Variants in SEMA5A observed in about 807,000 individuals in gnomAD.
SEMA5A encodes the protein semaphorin-5A.
SEMA5A carries 55 observed loss-of-function variants against 135.5 expected under a neutral mutation model. The observed-to-expected ratio is 0.41, with a 90% CI of 0.33 to 0.51. The LOEUF (loss-of-function observed/expected upper bound fraction) is 0.51, where lower values mean the gene tolerates loss of function less well. SEMA5A is among the 20% of genes least tolerant of loss of function. The pLI, the probability that SEMA5A is intolerant of heterozygous loss-of-function variation, is 0.37. For missense variants in SEMA5A, 1,290 were observed against 1,419.9 expected (o/e 0.91, Z 1.47); for synonymous variants, 580 against 546.5 (o/e 1.06, Z -0.85).
intron 16 of SEMA5A, among the ~76,000 whole-genome samples, chr5:9,103,631 T>G (rs749927723): frequency 3.1e-4 from 47 of 152,204 alleles, no homozygotes; most frequent in Non-Finnish European, 2.9e-4. Context: ...AGAAATATAG[T>G]GCTGCCAAAT....
intron 12 of SEMA5A, among the ~76,000 whole-genome samples, chr5:9,137,884 C>G (rs1033077773): frequency 1.3e-4 from 20 of 152,092 alleles, no homozygotes; most frequent in African/African-American, 4.6e-4. Context: ...GTCATTTAAA[C>G]CCCATGACAA....
At chr5:9,493,904 A>G (rs916395287) in intron 1 of SEMA5A, among the ~76,000 whole-genome samples, 1 of 152,206 alleles carries the variant, frequency 6.6e-6, no homozygotes, top group Non-Finnish European at 1.5e-5. Flanking sequence ...TTTGTTTCTT[A>G]ATATGCTCAG....
chr5:9,458,839 G>A (rs1204587449), intron 1 of SEMA5A, among the ~76,000 whole-genome samples: 2 of 152,156 alleles, frequency 1.3e-5, no homozygotes, highest in Non-Finnish European at 2.9e-5. Context: ...TCCTAGGCAG[G>A]GAGTCCCAAC....
chr5:9,217,034 G>T (rs529270065), intron 8 of SEMA5A, among the ~76,000 whole-genome samples: 2 of 152,252 alleles, frequency 1.3e-5, no homozygotes, highest in African/African-American at 2.4e-5. Flanking sequence ...GTTGTTAGCT[G>T]GTTATTATGT....
intron 9 of SEMA5A, among the ~76,000 whole-genome samples, chr5:9,200,392 G>A (rs1227269846): frequency 1.3e-5 from 2 of 152,174 alleles, no homozygotes; most frequent in Admixed American, 1.3e-4. Flanking sequence ...CCAGAGCCAG[G>A]GGAATGAAGA....
chr5:9,222,530 A>G (rs1271686107), intron 8 of SEMA5A, among the ~76,000 whole-genome samples: 3 of 152,166 alleles, frequency 2.0e-5, no homozygotes, highest in Non-Finnish European at 4.4e-5. Context: ...CAGGCTATTC[A>G]TTGTCATGCA....
chr5:9,123,758 C>T (rs1002559688), intron 13 of SEMA5A, among the ~76,000 whole-genome samples: 1 of 152,138 alleles, frequency 6.6e-6, no homozygotes, highest in African/African-American at 2.4e-5. Context: ...GCAGCTGCAG[C>T]GCTTCTCTTT....
At chr5:9,349,780 T>C (rs1754032769) in intron 3 of SEMA5A, among the ~76,000 whole-genome samples, 1 of 152,100 alleles carries the variant, frequency 6.6e-6, no homozygotes, top group Non-Finnish European at 1.5e-5. Context: ...CATGCACCTG[T>C]AATCCCAGCT....
chr5:9,394,441 C>T (rs962351107), intron 2 of SEMA5A, among the ~76,000 whole-genome samples: 8 of 152,196 alleles, frequency 5.3e-5, no homozygotes, highest in South Asian at 2.1e-4. Flanking sequence ...ATGTGGGATA[C>T]GGTGTCCCTG....
At chr5:9,197,780 G>GGGTGTGTGTGTA (rs1745493755) in intron 9 of SEMA5A, among the ~76,000 whole-genome samples, 1 of 103,952 alleles carries the variant, frequency 9.6e-6, no homozygotes, top group African/African-American at 4.1e-5. Context: ...GTGTGTGTGT[G>GGGTGTGTGTGTA]TGTGTTTTAA....
intron 1 of SEMA5A, among the ~76,000 whole-genome samples, chr5:9,440,050 C>G (rs144032267): frequency 7.9e-5 from 12 of 152,378 alleles, no homozygotes; most frequent in African/African-American, 2.9e-4. Context: ...AGGGTCAGCC[C>G]TTGCCTGGGG....
At position 9,202,086 on chromosome 5, in the gene SEMA5A, G is replaced by GGT; in HGVS notation, c.799_800dup (p.Trp268ProfsTer6). ...GGCGAGCCTTCATGAATGTGGTCCA[G>GGT]GTGTCTTCCAGCAGGAAGCGCCCAC... On this transcript the variant is annotated frameshift_variant, in exon 9 of 23. Transcript: ENST00000382496. LOFTEE classifies it high-confidence loss of function. 1 of 1,614,190 alleles carries GGT rather than the reference G, an allele frequency of 6.2e-7. No homozygotes were observed. Among genetic ancestry groups the GGT allele is most frequent in the Non-Finnish European group, 8.5e-7 (1 of 1,180,032 alleles).
At chr5:9,421,140 T>A (rs961496951) in intron 2 of SEMA5A, among the ~76,000 whole-genome samples, 14 of 152,250 alleles carry the variant, frequency 9.2e-5, no homozygotes, top group African/African-American at 3.4e-4. Context: ...ATAATCAGTG[T>A]GAACAGTCTA....
chr5:9,226,824 C>G (rs369194173), intron 7 of SEMA5A, 45 bp downstream of exon 7: 19 of 1,452,394 alleles, frequency 1.3e-5, no homozygotes, highest in Non-Finnish European at 1.6e-5. Flanking sequence ...AATGTTTTGC[C>G]TCTTCTGATA....
intron 13 of SEMA5A, among the ~76,000 whole-genome samples, chr5:9,130,810 C>T (rs956036819): frequency 4.6e-5 from 7 of 152,134 alleles, no homozygotes; most frequent in East Asian, 3.9e-4. Context: ...TTTGGAAAGA[C>T]GTTGAGAGCT....
At chr5:9,527,340 G>C (rs573135874) in intron 1 of SEMA5A, among the ~76,000 whole-genome samples, 1 of 152,182 alleles carries the variant, frequency 6.6e-6, no homozygotes, top group African/African-American at 2.4e-5. Context: ...AGGCTCCAGA[G>C]GATCTGGAAG....
chr5:9,431,375 C>T (rs532069919), intron 2 of SEMA5A, among the ~76,000 whole-genome samples: 1 of 152,212 alleles, frequency 6.6e-6, no homozygotes, highest in Non-Finnish European at 1.5e-5. Flanking sequence ...GTGATATTTA[C>T]TTCCCAGAAT....
intron 1 of SEMA5A, among the ~76,000 whole-genome samples, chr5:9,468,109 T>C (rs1759330376): frequency 1.3e-5 from 2 of 152,134 alleles, no homozygotes; most frequent in Non-Finnish European, 2.9e-5. Flanking sequence ...GGCTGCCCCT[T>C]ACTCCACTGA....
intron 4 of SEMA5A, among the ~76,000 whole-genome samples, chr5:9,321,878 A>C (rs772459131): frequency 8.5e-5 from 13 of 152,226 alleles, no homozygotes; most frequent in Non-Finnish European, 1.5e-4. Flanking sequence ...GTATGTTCAC[A>C]CTATGGTATC....
Sources: gnomAD v4.1 joint callset for allele counts (sites outside exome capture counted in the v4.1 genomes callset) on GRCh38, gnomAD v4.1.1 for gene constraint, MANE v1.5 for transcripts, NCBI Gene and HGNC (gene_info 2026-07-23, HGNC 2026-07-21) for gene names.